Variants in PDE2A observed in about 807,000 individuals in gnomAD.
PDE2A encodes cGMP-dependent 3',5'-cyclic phosphodiesterase.
Under a neutral mutation model 133.6 loss-of-function variants are expected in PDE2A, and 53 were observed. The ratio of observed to expected loss-of-function variants is 0.40; its 90% CI spans 0.32 to 0.50. The LOEUF is 0.50. Ranked by LOEUF, PDE2A falls within the 20% of genes least tolerant of loss-of-function variation. The pLI, the probability that PDE2A is intolerant of heterozygous loss-of-function variation, is 0.73. For missense variants in PDE2A, 796 were observed against 1,232.4 expected (o/e 0.65, Z 5.30); for synonymous variants, 491 against 490.2 (o/e 1.00, Z -0.02).
Position 72,578,186 on chromosome 11 carries a change from C to A in PDE2A, c.2615+47G>T. ...TTTCCTGTGATGTCCCCACTCCAGC[C>A]TACCCTCTCTGTGCAGGGTGCAGCT... On this transcript the variant is annotated intron_variant, in intron 30 of 30. Coordinates refer to ENST00000334456, the MANE Select transcript of PDE2A (RefSeq NM_002599.5). This position sits in a 1 kb window ranked among gnomAD's most constrained non-coding sequence, Gnocchi z 4.2. The A allele has an allele frequency of 8.2e-7, 1 of 1,226,070 alleles. No homozygotes were observed. 75.9% of individuals were successfully genotyped at this position (1,226,070 alleles called of 1,614,324 possible).
intron 4 of PDE2A, 108 bp downstream of exon 4, chr11:72,605,030 G>T: frequency 3.2e-6 from 2 of 624,710 alleles, no homozygotes; most frequent in Non-Finnish European, 5.5e-6. Context: ...GGGAGGCGGG[G>T]ATCAATGTTG....
chr11:72,664,902 G>A (rs1008576387), intron 1 of PDE2A, among the ~76,000 whole-genome samples: 4 of 151,646 alleles, frequency 2.6e-5, no homozygotes, highest in Non-Finnish European at 5.9e-5. Flanking sequence ...CGCCTCCTGG[G>A]TTCAAGCAAT....
chr11:72,658,105 G>A (rs1334169256), intron 1 of PDE2A: 22 of 456,044 alleles, frequency 4.8e-5, no homozygotes, highest in Middle Eastern at 3.2e-4. Flanking sequence ...TCCATTTTAC[G>A]GATGCCGGAT....
At chr11:72,596,803 G>A (rs988892507) in intron 5 of PDE2A, among the ~76,000 whole-genome samples, 155 bp from the exon 6 acceptor site, 1 of 152,232 alleles carries the variant, frequency 6.6e-6, no homozygotes, top group Admixed American at 6.5e-5. Context: ...ACAGAGGCGG[G>A]TCCTGAGGCA....
rs371545730 is a variant in PDE2A, at chr11:72,596,575, G to A, written c.489+18C>T. ...TGGTCTCCTCTCCCTACATCCCACCGCCTAGGCAGGCTCTTACCAAGATGA... is the reference window on the plus strand; with the variant it reads ...TGGTCTCCTCTCCCTACATCCCACCACCTAGGCAGGCTCTTACCAAGATGA... On this transcript the variant is annotated intron_variant, in intron 6 of 30. Transcript: ENST00000334456. 16 of 1,438,974 alleles carry A rather than the reference G, an allele frequency of 1.1e-5. No individual in the cohort carries two copies. Among genetic ancestry groups the A allele is most frequent in the South Asian group, 3.1e-5 (2 of 64,204 alleles). 89.1% of individuals were successfully genotyped at this position (1,438,974 alleles called of 1,614,324 possible).
Position 72,581,357 on chromosome 11 carries a change from T to A in PDE2A, c.2045A>T (p.Glu682Val). 1 of 1,612,990 alleles carries A rather than the reference T, an allele frequency of 6.2e-7. No individual in the cohort carries two copies. Among genetic ancestry groups the A allele is most frequent in the South Asian group, 1.1e-5 (1 of 90,478 alleles). The change falls in exon 23 of 31, where the codon GAG (glutamate) becomes GTG (valine). Residue 682 changes from glutamate to valine, a missense_variant and splice_region_variant. This residue lies in a region of PDE2A where 218 missense variants were observed against 465.9 expected (regional missense o/e 0.47). Coordinates refer to ENST00000334456, the MANE Select transcript of PDE2A (RefSeq NM_002599.5). ...YKNLELTNYL[E>V]DIEIFALFIS... ...ATGTGGGGGAGATGCAGCCACTCAC[T>A]CGAGGTAGTTGGTGAGCTCCAGGTT...
chr11:72,589,467 T>C (rs1448583832), intron 11 of PDE2A, among the ~76,000 whole-genome samples: 2 of 152,124 alleles, frequency 1.3e-5, no homozygotes, highest in African/African-American at 4.8e-5. Context: ...ACTCCAAGGA[T>C]TCTCGTCAAC....
At chr11:72,645,898 C>T (rs78620466) in intron 1 of PDE2A, among the ~76,000 whole-genome samples, 7,662 of 152,334 alleles carry the variant, frequency 0.05, 652 homozygotes, top group African/African-American at 0.18. Flanking sequence ...ACAAAGTAAA[C>T]TGCCCACAGT....
intron 23 of PDE2A, 73 bp from the exon 24 acceptor site, chr11:72,581,046 G>T: frequency 9.6e-7 from 1 of 1,037,140 alleles, no homozygotes; most frequent in Non-Finnish European, 1.5e-6. Flanking sequence ...CAAGAGGACA[G>T]ACAGGAGATG....
At chr11:72,607,543 C>T (rs567263108) in intron 3 of PDE2A, among the ~76,000 whole-genome samples, 1 of 152,282 alleles carries the variant, frequency 6.6e-6, no homozygotes, top group African/African-American at 2.4e-5. Flanking sequence ...ATTAGCCCTC[C>T]TCCTGGGCTC....
At chr11:72,659,064 G>T (rs536434057) in intron 1 of PDE2A, among the ~76,000 whole-genome samples, 1 of 152,028 alleles carries the variant, frequency 6.6e-6, no homozygotes, top group Admixed American at 6.6e-5. Flanking sequence ...GGATGTTATT[G>T]TGCCCACTTT....
At chr11:72,652,657 T>C in intron 1 of PDE2A, 1 of 456,290 alleles carries the variant, frequency 2.2e-6, no homozygotes, top group Non-Finnish European at 4.4e-6. Flanking sequence ...ATCTTCATGA[T>C]ATTATTAGCC....
intron 1 of PDE2A, among the ~76,000 whole-genome samples, chr11:72,665,375 A>T (rs1249453270): frequency 9.9e-6 from 1 of 100,686 alleles, no homozygotes; most frequent in Admixed American, 1.1e-4. Flanking sequence ...TCCCCATCCC[A>T]CCCCCACTCC....
Position 72,590,375 on chromosome 11 carries a change from T to G in PDE2A, c.703+52A>C. 1.9e-6 allele frequency: 3 copies of G among 1,554,676 alleles called. No individual in the cohort carries two copies. The highest frequency in any genetic ancestry group is 2.6e-6 in the Non-Finnish European group (3 of 1,147,534). ...GATCGCCTAACCCGCCCACCTCCCC[T>G]CCAAGTTCTGCCCGGCCCCGCCCTC... is the stretch of plus-strand genomic sequence containing the variant. On this transcript the variant is annotated intron_variant, in intron 8 of 30. Transcript: ENST00000334456. This position sits in a 1 kb window ranked among gnomAD's most constrained non-coding sequence, Gnocchi z 4.8.
In PDE2A at chr11:72,577,535, C is replaced by A. The variant is rs1458590398; in HGVS notation, c.2675G>T (p.Arg892Leu). Residue 892 changes from arginine to leucine, a missense_variant, in exon 31 of 31, where the codon CGT becomes CTT. By Grantham distance (102) the Arg-to-Leu change is moderately radical. This residue lies in a region of PDE2A where 83 missense variants were observed against 99.0 expected (regional missense o/e 0.84). Transcript: ENST00000334456. ...GTGGGACACCTTGGTCCAGTGCTCA[C>A]GGTTGGAGGCCACGCGCTCGTACAG... ...AELYERVASN[R>L]EHWTKVSHKF... is the part of the protein sequence containing the mutation. 1.2e-6 allele frequency: 2 copies of A among 1,611,566 alleles called. No individual in the cohort carries two copies. Among genetic ancestry groups the A allele is most frequent in the African/African-American group, 2.7e-5 (2 of 74,930 alleles).
In PDE2A at chr11:72,589,270, C is replaced by T. The variant is rs201549559; in HGVS notation, c.874-30G>A. The T allele has an allele frequency of 9.2e-6, 14 of 1,515,152 alleles. No individual in the cohort carries two copies. The East Asian group carries it at 2.9e-4, about 32-fold the overall frequency. The allele number at this position is 1,515,152 out of a possible 1,614,324, so 93.9% of individuals were successfully genotyped here. A position where few individuals can be genotyped will look rare whatever the true frequency, so the allele number is the denominator to read the frequency against. ...GGGGTGAGGAGAGACTGAGTCAGGG[C>T]CCAGTACTCCCCAGGTCAGGGGATC... is the stretch of plus-strand genomic sequence containing the variant. On this transcript the variant is annotated intron_variant, in intron 11 of 30. Coordinates refer to ENST00000334456, the MANE Select transcript of PDE2A (RefSeq NM_002599.5).
At chr11:72,584,413 G>T (rs561407767) in intron 18 of PDE2A, 100 bp from the exon 19 acceptor site, 8 of 1,253,716 alleles carry the variant, frequency 6.4e-6, no homozygotes, top group East Asian at 5.0e-5. Flanking sequence ...CGCAGGTTAC[G>T]TACGTCCCAG....
intron 2 of PDE2A, among the ~76,000 whole-genome samples, chr11:72,629,840 TAGC>T (rs1323245467): frequency 6.6e-6 from 1 of 152,152 alleles, no homozygotes; most frequent in Admixed American, 6.5e-5. Flanking sequence ...ATAGGAATAA[TAGC>T]AGCCCCTACC....
intron 20 of PDE2A, 55 bp downstream of exon 20, chr11:72,583,383 G>T: frequency 1.6e-6 from 2 of 1,231,576 alleles, no homozygotes; most frequent in African/African-American, 1.5e-5. Flanking sequence ...GCCCTGCCTG[G>T]CCCTGGGTCC....
Sources: gnomAD v4.1 joint callset for allele counts (sites outside exome capture counted in the v4.1 genomes callset) on GRCh38, gnomAD v4.1.1 for gene constraint, gnomAD v4.1.1 regional missense constraint, Gnocchi (gnomAD v3.1) non-coding constraint, MANE v1.5 for transcripts, NCBI Gene and HGNC (gene_info 2026-07-23, HGNC 2026-07-21) for gene names.